The following INPP4B variants were observed in gnomAD, a reference collection of about 807,000 sequenced individuals.
The protein encoded by INPP4B is inositol polyphosphate 4-phosphatase type II.
In INPP4B, 55 loss-of-function variants were observed where a neutral mutation model predicts 122.5. That is an observed-to-expected ratio of 0.45 (90% CI 0.36 to 0.56). The LOEUF (loss-of-function observed/expected upper bound fraction) is 0.56, where lower values mean the gene tolerates loss of function less well. INPP4B is among the 20% of genes least tolerant of loss of function. INPP4B has a pLI of 0.00. For synonymous variants in INPP4B, 403 were observed against 388.7 expected, an observed-to-expected ratio of 1.04 and a Z score of -0.43; for missense variants, 1,000 against 1,097.7, an observed-to-expected ratio of 0.91 and a Z score of 1.26.
rs545230496 is a variant in INPP4B at position 142,658,904 on chromosome 4, T to A, written c.-191+66935A>T. On this transcript the variant is annotated intron_variant, in intron 2 of 25. Coordinates refer to ENST00000262992, the MANE Select transcript of INPP4B (RefSeq NM_001101669.3). ...CAGAAGCACCCAACTCACAGGTGTT[T>A]GAAGATACAAACCCATGGTTGGGCT... Among the ~76,000 whole-genome samples, 41 of 152,224 alleles carry A rather than the reference T, an allele frequency of 2.7e-4. No individual in the cohort carries two copies. The South Asian group carries it at 6.8e-3, about 25-fold the overall frequency.
chr4:142,111,118 G>A (rs1195738415), intron 22 of INPP4B, among the ~76,000 whole-genome samples: 1 of 152,024 alleles, frequency 6.6e-6, no homozygotes, highest in African/African-American at 2.4e-5. Context: ...GCTTTCAAAA[G>A]TACTTAATTA....
intron 5 of INPP4B, among the ~76,000 whole-genome samples, chr4:142,415,016 G>A (rs1805380552): frequency 6.6e-6 from 1 of 152,176 alleles, no homozygotes; most frequent in Non-Finnish European, 1.5e-5. Context: ...GTTAGGATTA[G>A]GCTGAAGAAG....
chr4:142,250,153 T>G (rs1168862504), intron 11 of INPP4B, among the ~76,000 whole-genome samples: 1 of 152,220 alleles, frequency 6.6e-6, no homozygotes, highest in Non-Finnish European at 1.5e-5. Context: ...TTGTAAATTC[T>G]GTCCCACCTC....
intron 18 of INPP4B, among the ~76,000 whole-genome samples, chr4:142,126,044 C>A (rs1489235018): frequency 6.6e-6 from 1 of 152,058 alleles, no homozygotes; most frequent in Non-Finnish European, 1.5e-5. Context: ...TTCTAACAGG[C>A]ATCAATTATA....
At chr4:142,818,912 T>C (rs759265242) in intron 1 of INPP4B, among the ~76,000 whole-genome samples, 1 of 152,214 alleles carries the variant, frequency 6.6e-6, no homozygotes, top group Admixed American at 6.5e-5. Flanking sequence ...TATGAGTTTT[T>C]GGTCCACTAG....
At chr4:142,741,374 T>C (rs1468978617) in intron 1 of INPP4B, among the ~76,000 whole-genome samples, 1 of 151,910 alleles carries the variant, frequency 6.6e-6, no homozygotes, top group Non-Finnish European at 1.5e-5. Flanking sequence ...CCAAATATTA[T>C]GTGAACTAAC....
chr4:142,644,740 TAAAAAA>T (rs55700762), intron 2 of INPP4B, among the ~76,000 whole-genome samples: 4 of 71,066 alleles, frequency 5.6e-5, no homozygotes, highest in East Asian at 3.6e-4. Context: ...CATCTCTACT[TAAAAAA>T]AAAAAAAAAA....
chr4:142,205,554 C>T (rs893744064), intron 14 of INPP4B, among the ~76,000 whole-genome samples: 9 of 152,016 alleles, frequency 5.9e-5, no homozygotes, highest in African/African-American at 2.2e-4. Context: ...CATTTTGTTC[C>T]AGTGATGGAA....
intron 2 of INPP4B, among the ~76,000 whole-genome samples, chr4:142,595,255 T>C (rs1169880021): frequency 6.6e-6 from 1 of 152,148 alleles, no homozygotes; most frequent in African/African-American, 2.4e-5. Context: ...TTCCTGAATC[T>C]TGCCCTTGGA....
chr4:142,534,504 TG>T (rs1223146170), intron 2 of INPP4B, among the ~76,000 whole-genome samples: 1 of 152,100 alleles, frequency 6.6e-6, no homozygotes, highest in Admixed American at 6.6e-5. Flanking sequence ...CCTGATGACT[TG>T]ATCTTGAACT....
At chr4:142,843,305 T>C (rs990795959) in intron 1 of INPP4B, among the ~76,000 whole-genome samples, 3 of 151,832 alleles carry the variant, frequency 2.0e-5, no homozygotes, top group African/African-American at 7.2e-5. Context: ...GCCTAAATAT[T>C]ATAGTATATA....
intron 15 of INPP4B, among the ~76,000 whole-genome samples, chr4:142,192,227 C>T (rs1276062848): frequency 1.3e-5 from 2 of 148,866 alleles, no homozygotes; most frequent in Admixed American, 6.8e-5. Context: ...CTTATTACTT[C>T]GGTGGCAAAA....
At chr4:142,716,213 T>C (rs535411083) in intron 2 of INPP4B, among the ~76,000 whole-genome samples, 17 of 152,328 alleles carry the variant, frequency 1.1e-4, no homozygotes, top group African/African-American at 4.1e-4. Context: ...ACTGGAGACA[T>C]TGCTGTGGCC....
intron 16 of INPP4B, among the ~76,000 whole-genome samples, chr4:142,165,047 C>T (rs894118759): frequency 4.6e-5 from 7 of 151,706 alleles, no homozygotes; most frequent in African/African-American, 9.7e-5. Context: ...TCCATTTTCC[C>T]ATAGTTCAAC....
At chr4:142,328,662 T>C (rs915256972) in intron 7 of INPP4B, among the ~76,000 whole-genome samples, 4 of 152,176 alleles carry the variant, frequency 2.6e-5, no homozygotes, top group African/African-American at 7.2e-5. Flanking sequence ...AAACAAAATT[T>C]TCAAAAGCAT....
chr4:142,192,933 T>C (rs1414069760), intron 15 of INPP4B, among the ~76,000 whole-genome samples, 154 bp downstream of exon 15: 1 of 152,216 alleles, frequency 6.6e-6, no homozygotes. Context: ...ATTTCTTCTC[T>C]GGTAGTTTTG....
intron 7 of INPP4B, among the ~76,000 whole-genome samples, chr4:142,332,517 A>G (rs921391448): frequency 2.0e-5 from 3 of 152,094 alleles, no homozygotes; most frequent in African/African-American, 7.2e-5. Context: ...AAAAGCATAT[A>G]TAGTTAAAAA....
intron 15 of INPP4B, among the ~76,000 whole-genome samples, chr4:142,180,893 T>A (rs1032808568): frequency 2.6e-5 from 4 of 152,168 alleles, no homozygotes; most frequent in African/African-American, 9.7e-5. Flanking sequence ...TTCTATTTTG[T>A]AACACAAATT....
At chr4:142,604,091 G>A (rs538653841) in intron 2 of INPP4B, among the ~76,000 whole-genome samples, 52 of 152,208 alleles carry the variant, frequency 3.4e-4, no homozygotes, top group Admixed American at 7.9e-4. Flanking sequence ...ATCAATAAAT[G>A]TGATATATAA....
Sources: allele counts gnomAD v4.1 joint callset (sites outside exome capture counted in the v4.1 genomes callset), GRCh38; gene constraint gnomAD v4.1.1; transcripts MANE v1.5; gene names NCBI Gene and HGNC (gene_info 2026-07-23, HGNC 2026-07-21).